The following CNTNAP5 variants were observed in gnomAD, a reference collection of about 807,000 sequenced individuals.
CNTNAP5 encodes contactin-associated protein-like 5.
CNTNAP5 carries 72 observed loss-of-function variants against 150.2 expected under a neutral mutation model. The observed-to-expected ratio is 0.48, with a 90% CI of 0.40 to 0.58. CNTNAP5 has a LOEUF of 0.58. CNTNAP5 is among the 20% of genes least tolerant of loss of function. CNTNAP5 has a pLI of 0.00. For missense variants in CNTNAP5, 1,636 were observed against 1,626.2 expected (o/e 1.01, Z -0.10); for synonymous variants, 672 against 619.8 (o/e 1.08, Z -1.25).
chr2:124,753,778 A>G (rs1341312403), intron 14 of CNTNAP5, among the ~76,000 whole-genome samples: 2 of 152,196 alleles, frequency 1.3e-5, no homozygotes, highest in African/African-American at 4.8e-5. Context: ...TGATTTAGCC[A>G]TTCCACAATT....
chr2:124,697,603 C>G (rs1679430016), intron 13 of CNTNAP5, among the ~76,000 whole-genome samples: 1 of 129,058 alleles, frequency 7.7e-6, no homozygotes, highest in Non-Finnish European at 1.7e-5. Context: ...AAGGACATCC[C>G]TTAGTTTGAA....
intron 6 of CNTNAP5, among the ~76,000 whole-genome samples, chr2:124,473,517 A>G (rs1443098812): frequency 6.6e-6 from 1 of 152,016 alleles, no homozygotes; most frequent in African/African-American, 2.4e-5. Context: ...TACTAGTGTG[A>G]AGCTTGTAAA....
intron 7 of CNTNAP5, among the ~76,000 whole-genome samples, chr2:124,489,097 T>C (rs958346045): frequency 6.6e-6 from 1 of 152,232 alleles, no homozygotes; most frequent in African/African-American, 2.4e-5. Context: ...GTGCTTTCCA[T>C]GATTGAGAAT....
chr2:124,466,250 C>T (rs183481424), intron 6 of CNTNAP5, among the ~76,000 whole-genome samples: 78 of 152,122 alleles, frequency 5.1e-4, no homozygotes, highest in Non-Finnish European at 4.4e-5. Context: ...TCTGAAAATC[C>T]TTCAGAGAAT....
At chr2:124,278,461 GATGGCCC>G (rs1374570884) in intron 3 of CNTNAP5, among the ~76,000 whole-genome samples, 1 of 152,094 alleles carries the variant, frequency 6.6e-6, no homozygotes, top group African/African-American at 2.4e-5. Context: ...TAATATCCCA[GATGGCCC>G]ATCATGGGTT....
chr2:124,632,666 G>A (rs894474132), intron 12 of CNTNAP5, among the ~76,000 whole-genome samples: 1 of 151,538 alleles, frequency 6.6e-6, no homozygotes, highest in Non-Finnish European at 1.5e-5. Flanking sequence ...GTTTATGTAT[G>A]TTACAAACCT....
chr2:124,668,824 A>G (rs1193507900), intron 13 of CNTNAP5, among the ~76,000 whole-genome samples: 1 of 152,208 alleles, frequency 6.6e-6, no homozygotes, highest in African/African-American at 2.4e-5. Flanking sequence ...AGAAATGGCA[A>G]CAAACTGGAA....
chr2:124,081,466 A>G (rs1027598237), intron 1 of CNTNAP5, among the ~76,000 whole-genome samples: 8 of 152,174 alleles, frequency 5.3e-5, no homozygotes, highest in Admixed American at 2.6e-4. Context: ...TGCTTTGTCT[A>G]AGTAGCTTTT....
rs1038043754 is a variant in CNTNAP5, at chr2:124,327,816, A to G, written c.381+85423A>G. ...CTCATGTCTCCCTCAGCTGTACAAA[A>G]GCAAGCTGTACCCCAACCACTTGGG... is the stretch of plus-strand genomic sequence containing the variant. On this transcript the variant is annotated intron_variant, in intron 3 of 23. Transcript: ENST00000682447. 3.9e-5 allele frequency among the ~76,000 whole-genome samples: 6 copies of G among 152,308 alleles called. No homozygotes were observed. In the South Asian group the frequency reaches 1.0e-3, roughly 26 times the overall value.
chr2:124,245,035 A>T (rs1345144788), intron 3 of CNTNAP5, among the ~76,000 whole-genome samples: 1 of 152,088 alleles, frequency 6.6e-6, no homozygotes, highest in African/African-American at 2.4e-5. Flanking sequence ...TTTATTTTTT[A>T]TTTTTATTTT....
At chr2:124,110,135 C>T (rs758116108) in intron 1 of CNTNAP5, among the ~76,000 whole-genome samples, 1 of 152,182 alleles carries the variant, frequency 6.6e-6, no homozygotes, top group Non-Finnish European at 1.5e-5. Context: ...TTGCAGAATA[C>T]TTCTCCAGGT....
At chr2:124,857,225 CT>C (rs1391597755) in intron 19 of CNTNAP5, among the ~76,000 whole-genome samples, 1 of 152,082 alleles carries the variant, frequency 6.6e-6, no homozygotes, top group Non-Finnish European at 1.5e-5. Flanking sequence ...CTGTACTAGC[CT>C]TCACTGTCCG....
chr2:124,629,698 G>T (rs934581506), intron 12 of CNTNAP5, among the ~76,000 whole-genome samples: 2 of 149,276 alleles, frequency 1.3e-5, no homozygotes, highest in African/African-American at 4.9e-5. Context: ...AGAAGACAAG[G>T]AATAACCAAA....
chr2:124,462,989 G>A (rs1010295368), intron 6 of CNTNAP5, among the ~76,000 whole-genome samples: 1 of 152,162 alleles, frequency 6.6e-6, no homozygotes, highest in African/African-American at 2.4e-5. Context: ...GCAGGAAACT[G>A]GGTGTTGTGT....
chr2:124,921,095 A>C lies in CNTNAP5; in HGVS notation c.*6807A>C, dbSNP rs536616184. Reference sequence around the variant, plus strand: ...ATGTCTTAATACACTGTATGGGGAAAAAATAAAAGTTAGCCTTAGATTTCT... The same window carrying C: ...ATGTCTTAATACACTGTATGGGGAACAAATAAAAGTTAGCCTTAGATTTCT... On this transcript the variant is annotated 3_prime_UTR_variant, in exon 24 of 24. Coordinates refer to ENST00000682447, the MANE Select transcript of CNTNAP5 (RefSeq NM_001367498.1). Among the ~76,000 whole-genome samples the C allele has an allele frequency of 3.0e-4, 46 of 152,288 alleles. No homozygotes were observed. The highest frequency in any genetic ancestry group is 1.1e-3 in the African/African-American group (45 of 41,558).
intron 17 of CNTNAP5, among the ~76,000 whole-genome samples, chr2:124,776,427 T>G (rs1681325778): frequency 6.6e-6 from 1 of 152,196 alleles, no homozygotes. Context: ...CTGTTCTTGC[T>G]TCCAGGCTGG....
chr2:124,822,557 G>A, intron 19 of CNTNAP5, among the ~76,000 whole-genome samples: 1 of 152,010 alleles, frequency 6.6e-6, no homozygotes, highest in South Asian at 2.1e-4. Context: ...TTTTAAAAAA[G>A]CATTTCTACA....
intron 11 of CNTNAP5, among the ~76,000 whole-genome samples, chr2:124,586,393 T>C (rs1696538120): frequency 6.6e-6 from 1 of 152,220 alleles, no homozygotes; most frequent in African/African-American, 2.4e-5. Context: ...ACAGCTTAGC[T>C]ACTATCCAGC....
At chr2:124,566,017 A>G (rs1696017347) in intron 11 of CNTNAP5, among the ~76,000 whole-genome samples, 1 of 147,592 alleles carries the variant, frequency 6.8e-6, no homozygotes, top group Non-Finnish European at 1.5e-5. Context: ...ATCTAAGGCT[A>G]AAATTATGTG....
Sources: gnomAD v4.1 joint callset for allele counts (sites outside exome capture counted in the v4.1 genomes callset) on GRCh38, gnomAD v4.1.1 for gene constraint, MANE v1.5 for transcripts, NCBI Gene and HGNC (gene_info 2026-07-23, HGNC 2026-07-21) for gene names.